The following ACSS3 variants were observed in gnomAD, a reference collection of about 807,000 sequenced individuals.
ACSS3 encodes acyl-CoA synthetase short-chain family member 3, mitochondrial.
Under a neutral mutation model 84.2 loss-of-function variants are expected in ACSS3, and 64 were observed. That is an observed-to-expected ratio of 0.76 (90% CI 0.62 to 0.94). The LOEUF is 0.94. ACSS3 is among the 40% of genes least tolerant of loss of function. The pLI is 0.00. For missense variants in ACSS3, 815 were observed against 867.6 expected (o/e 0.94, Z 0.76); for synonymous variants, 317 against 310.1 (o/e 1.02, Z -0.23).
intron 3 of ACSS3, 34 bp downstream of exon 3, chr12:81,135,038 C>T: frequency 6.6e-7 from 1 of 1,515,684 alleles, no homozygotes; most frequent in Non-Finnish European, 8.9e-7. Context: ...CAAGTAGTAG[C>T]TATGTATAAT....
At chr12:81,199,191 G>C in intron 8 of ACSS3, 150 bp from the exon 9 acceptor site, 1 of 627,600 alleles carries the variant, frequency 1.6e-6, no homozygotes, top group East Asian at 3.0e-5. Flanking sequence ...AACAAGAAAT[G>C]ACTCTCATCA....
chr12:81,107,083 A>G (rs902862711), intron 1 of ACSS3, among the ~76,000 whole-genome samples: 2 of 152,018 alleles, frequency 1.3e-5, no homozygotes, highest in African/African-American at 2.4e-5. Flanking sequence ...ACTTTTGGCT[A>G]TAAGGTATGG....
intron 9 of ACSS3, among the ~76,000 whole-genome samples, chr12:81,207,328 G>A (rs1477468200): frequency 6.6e-6 from 1 of 152,122 alleles, no homozygotes; most frequent in Non-Finnish European, 1.5e-5. Context: ...CTTTTGCTGT[G>A]AATTTTAATT....
At chr12:81,230,572 C>T (rs998027229) in intron 11 of ACSS3, among the ~76,000 whole-genome samples, 11 of 151,676 alleles carry the variant, frequency 7.3e-5, no homozygotes, top group East Asian at 5.8e-4. Flanking sequence ...GAATTCCCAG[C>T]GGAGGGAGGC....
chr12:81,131,379 C>A (rs1211737510), intron 2 of ACSS3, among the ~76,000 whole-genome samples: 1 of 152,092 alleles, frequency 6.6e-6, no homozygotes, highest in African/African-American at 2.4e-5. Flanking sequence ...ATTTTATTAT[C>A]TTTGAAGTAA....
chr12:81,174,385 T>A (rs979737733), intron 7 of ACSS3, among the ~76,000 whole-genome samples: 4 of 152,202 alleles, frequency 2.6e-5, no homozygotes, highest in Non-Finnish European at 5.9e-5. Context: ...TTTTCTCAAA[T>A]GTTTTGAGAA....
chr12:81,246,590 A>G (rs895796048), intron 13 of ACSS3, among the ~76,000 whole-genome samples: 1 of 152,220 alleles, frequency 6.6e-6, no homozygotes, highest in Non-Finnish European at 1.5e-5. Flanking sequence ...TGAGTCTACC[A>G]ATATATATTT....
chr12:81,208,175 A>T (rs905003299), intron 9 of ACSS3, among the ~76,000 whole-genome samples: 1 of 152,128 alleles, frequency 6.6e-6, no homozygotes, highest in Admixed American at 6.6e-5. Context: ...GCCCATCGTG[A>T]TGCTGTGATT....
chr12:81,235,725 A>T (rs1443618015), intron 13 of ACSS3, among the ~76,000 whole-genome samples: 1 of 151,426 alleles, frequency 6.6e-6, no homozygotes, highest in Non-Finnish European at 1.5e-5. Flanking sequence ...TAAGTATTTA[A>T]TTTTTTAGCT....
At chr12:81,194,037 G>T (rs1019888614) in intron 8 of ACSS3, among the ~76,000 whole-genome samples, 5 of 151,432 alleles carry the variant, frequency 3.3e-5, no homozygotes, top group African/African-American at 9.7e-5. Flanking sequence ...TAATGTCAAG[G>T]TCATTAATGA....
At chr12:81,183,896 T>G (rs1341155097) in intron 8 of ACSS3, among the ~76,000 whole-genome samples, 1 of 151,882 alleles carries the variant, frequency 6.6e-6, no homozygotes, top group African/African-American at 2.4e-5. Context: ...GACAGAAAAT[T>G]AATAAGGTGA....
intron 1 of ACSS3, among the ~76,000 whole-genome samples, chr12:81,084,610 GAGAA>G (rs935711772): frequency 5.3e-5 from 8 of 151,668 alleles, no homozygotes; most frequent in East Asian, 1.9e-4. Flanking sequence ...AAGTGAAAGA[GAGAA>G]AGAAAGGGAA....
intron 2 of ACSS3, among the ~76,000 whole-genome samples, chr12:81,113,990 T>C (rs1377294270): frequency 6.6e-6 from 1 of 152,128 alleles, no homozygotes; most frequent in Non-Finnish European, 1.5e-5. Context: ...ATATATATAG[T>C]ACTAGTCATT....
chr12:81,196,097 A>G (rs921149054), intron 8 of ACSS3, among the ~76,000 whole-genome samples: 1 of 152,210 alleles, frequency 6.6e-6, no homozygotes, highest in African/African-American at 2.4e-5. Flanking sequence ...ATACCCACAC[A>G]TGTACATGCA....
chr12:81,177,750 A>T (rs1270734496), intron 8 of ACSS3, among the ~76,000 whole-genome samples: 2 of 152,242 alleles, frequency 1.3e-5, no homozygotes, highest in East Asian at 3.8e-4. Flanking sequence ...AATGGAAATC[A>T]AAACCACAGT....
chr12:81,241,340 G>A, intron 13 of ACSS3, among the ~76,000 whole-genome samples: 1 of 151,880 alleles, frequency 6.6e-6, no homozygotes, highest in Non-Finnish European at 1.5e-5. Flanking sequence ...TAGTCCTTTG[G>A]GTATATACCC....
intron 9 of ACSS3, among the ~76,000 whole-genome samples, chr12:81,202,916 G>C (rs1328523737): frequency 1.3e-5 from 2 of 152,172 alleles, no homozygotes; most frequent in Admixed American, 1.3e-4. Flanking sequence ...AGAATTTGTA[G>C]ATATAGATAC....
Position 81,191,802 on chromosome 12 carries a change from C to T in ACSS3, c.1251-7539C>T, listed in dbSNP as rs147862655. Among the ~76,000 whole-genome samples, 5 of 152,052 alleles carry T rather than the reference C, an allele frequency of 3.3e-5. No individual in the cohort carries two copies. In the East Asian group the frequency reaches 9.7e-4, roughly 29 times the overall value. ...TGATGATTTTTCTGCTTTTTTTTCA[C>T]AGTTGCAGTTAGATGATTTTATTGT... is the stretch of plus-strand genomic sequence containing the variant. On this transcript the variant is annotated intron_variant, in intron 8 of 15. Coordinates refer to ENST00000548058, the MANE Select transcript of ACSS3 (RefSeq NM_024560.4).
At chr12:81,223,415 A>G (rs941728130) in intron 11 of ACSS3, among the ~76,000 whole-genome samples, 1 of 152,092 alleles carries the variant, frequency 6.6e-6, no homozygotes, top group Admixed American at 6.6e-5. Flanking sequence ...ATCTTGGGAA[A>G]GAGCCAAGGA....
Sources: gnomAD v4.1 joint callset for allele counts (sites outside exome capture counted in the v4.1 genomes callset) on GRCh38, gnomAD v4.1.1 for gene constraint, MANE v1.5 for transcripts, NCBI Gene and HGNC (gene_info 2026-07-23, HGNC 2026-07-21) for gene names.